CDCA7L: variants seen among roughly 807,000 people sequenced by gnomAD.
CDCA7L encodes the protein cell division cycle-associated 7-like protein.
CDCA7L carries 44 observed loss-of-function variants against 57.4 expected under a neutral mutation model. The ratio of observed to expected loss-of-function variants is 0.77; its 90% confidence interval spans 0.60 to 0.98. The LOEUF is 0.98. CDCA7L is among the 50% of genes least tolerant of loss of function. The pLI is 0.00. For missense variants in CDCA7L, 644 were observed against 580.6 expected, an observed-to-expected ratio of 1.11 and a Z score of -1.12; for synonymous variants, 236 against 202.8, an observed-to-expected ratio of 1.16 and a Z score of -1.39.
At chr7:21,943,653 G>A (rs1035021813) in intron 1 of CDCA7L, among the ~76,000 whole-genome samples, 6 of 151,568 alleles carry the variant, frequency 4.0e-5, no homozygotes, top group African/African-American at 7.3e-5. Context: ...TTTAAATTAC[G>A]ATGAACAGGA....
chr7:21,905,238 G>A (rs1785101532), intron 7 of CDCA7L, among the ~76,000 whole-genome samples: 1 of 151,862 alleles, frequency 6.6e-6, no homozygotes, highest in African/African-American at 2.4e-5. Flanking sequence ...ACCATTAACA[G>A]TTACATATAA....
chr7:21,909,624 T>C (rs1785251163), intron 3 of CDCA7L, among the ~76,000 whole-genome samples: 3 of 152,224 alleles, frequency 2.0e-5, no homozygotes, highest in African/African-American at 7.2e-5. Context: ...TTTAATACCC[T>C]GAACTTCCCA....
At chr7:21,911,878 A>C (rs917312422) in intron 2 of CDCA7L, 124 bp from the exon 3 acceptor site, 9 of 761,478 alleles carry the variant, frequency 1.2e-5, no homozygotes, top group Admixed American at 2.8e-5. Flanking sequence ...ATGGATGGAC[A>C]ACAATGTGAA....
rs963535905 is a variant in CDCA7L, at chr7:21,923,815, T to G, written c.25-6921A>C. Among the ~76,000 whole-genome samples the G allele has an allele frequency of 2.6e-5, 4 of 152,354 alleles. No individual in the cohort carries two copies. In the South Asian group the frequency reaches 6.2e-4, roughly 24 times the overall value. ...TTGGCTGAAATCCAGCTTTGTTCTATCCCAGCTAAGCTATACTAATAAAAA... is the reference window on the plus strand; with the variant it reads ...TTGGCTGAAATCCAGCTTTGTTCTAGCCCAGCTAAGCTATACTAATAAAAA... On this transcript the variant is annotated intron_variant, in intron 1 of 9. Coordinates refer to ENST00000406877, the MANE Select transcript of CDCA7L (RefSeq NM_018719.5).
intron 2 of CDCA7L, among the ~76,000 whole-genome samples, chr7:21,912,227 C>T (rs935989245): frequency 1.3e-5 from 2 of 152,088 alleles, no homozygotes; most frequent in African/African-American, 4.8e-5. Context: ...CAATGCACTC[C>T]AGCCTGCGTT....
At chr7:21,914,018 A>G (rs138257073) in intron 2 of CDCA7L, among the ~76,000 whole-genome samples, 1 of 152,310 alleles carries the variant, frequency 6.6e-6, no homozygotes, top group Non-Finnish European at 1.5e-5. Flanking sequence ...TTCAAAATCA[A>G]TACTGGGTGC....
intron 1 of CDCA7L, among the ~76,000 whole-genome samples, chr7:21,944,265 C>A (rs1451423517): frequency 7.4e-6 from 1 of 135,970 alleles, no homozygotes; most frequent in Non-Finnish European, 1.6e-5. Flanking sequence ...ATTGTGAAAC[C>A]CTGTCTCTAC....
At chr7:21,925,966 C>A (rs1005839417) in intron 1 of CDCA7L, among the ~76,000 whole-genome samples, 1 of 152,278 alleles carries the variant, frequency 6.6e-6, no homozygotes, top group East Asian at 1.9e-4. Context: ...CAGCCAGACA[C>A]AGAGGCACAC....
chr7:21,906,634 G>C lies in CDCA7L; in HGVS notation c.687C>G (p.Ala229=). 6.2e-7 allele frequency: 1 copy of C among 1,613,874 alleles called. No individual in the cohort carries two copies. The highest frequency in any genetic ancestry group is 8.5e-7 in the Non-Finnish European group (1 of 1,180,026). Residue 229 remains alanine, a synonymous_variant, in exon 5 of 10, where the codon GCC becomes GCG. Transcript: ENST00000406877. ...TCGAGTTCAATTCCGCCAATAACTG[G>C]GCAAGCTGAAGTTCAGAACAAAAGA... ...MNIKENKAML[A]QLLAELNSMP...
At chr7:21,916,534 A>G (rs1208550034) in intron 2 of CDCA7L, among the ~76,000 whole-genome samples, 1 of 151,838 alleles carries the variant, frequency 6.6e-6, no homozygotes, top group Non-Finnish European at 1.5e-5. Flanking sequence ...AAAAAAAAAA[A>G]AAAAGAATTA....
At chr7:21,941,660 G>T (rs1786343359) in intron 1 of CDCA7L, among the ~76,000 whole-genome samples, 1 of 152,174 alleles carries the variant, frequency 6.6e-6, no homozygotes, top group African/African-American at 2.4e-5. Flanking sequence ...TTAAAGGGAG[G>T]AGGGAACAGG....
At chr7:21,904,799 T>A (rs1185163615) in intron 7 of CDCA7L, among the ~76,000 whole-genome samples, 1 of 108,508 alleles carries the variant, frequency 9.2e-6, no homozygotes, top group African/African-American at 3.3e-5. Flanking sequence ...GAGAAACATA[T>A]TAGGTCAGAT....
chr7:21,902,444 A>AAAGCCAG (rs1784944672), intron 9 of CDCA7L, 92 bp from the exon 10 acceptor site: 1 of 1,258,048 alleles, frequency 7.9e-7, no homozygotes, highest in Non-Finnish European at 1.2e-6. Context: ...CTAAGAGTAC[A>AAAGCCAG]AAGCCAGAAC....
At chr7:21,934,509 C>CA (rs1391484915) in intron 1 of CDCA7L, among the ~76,000 whole-genome samples, 1 of 151,984 alleles carries the variant, frequency 6.6e-6, no homozygotes, top group East Asian at 1.9e-4. Flanking sequence ...AAATGAGGGA[C>CA]AAAAAAGCCA....
rs1785207502 is a variant in CDCA7L at position 21,908,393 on chromosome 7, T to C, written c.418A>G (p.Ile140Val). The change falls in exon 4 of 10, where the codon ATT becomes GTT. Residue 140 changes from isoleucine to valine, a missense_variant. Physicochemically the swap from Ile to Val is conservative, Grantham distance 29. Coordinates refer to ENST00000406877, the MANE Select transcript of CDCA7L (RefSeq NM_018719.5). ...AACTGAAAGGCTACTCGAAGACCAA[T>C]ACTACTTCTTCTAGACCTGCTTCTT... ...PRRSRSRRSS[I>V]GLRVAFQFPT... 1 of 1,608,950 alleles carries C rather than the reference T, an allele frequency of 6.2e-7. No homozygotes were observed. The highest frequency in any genetic ancestry group is 2.2e-5 in the East Asian group (1 of 44,840).
At chr7:21,924,832 G>A (rs1785773721) in intron 1 of CDCA7L, among the ~76,000 whole-genome samples, 1 of 152,134 alleles carries the variant, frequency 6.6e-6, no homozygotes, top group African/African-American at 2.4e-5. Flanking sequence ...GAAAATATCT[G>A]CAAATGCTGT....
At chr7:21,927,858 C>T (rs1785875196) in intron 1 of CDCA7L, among the ~76,000 whole-genome samples, 1 of 152,240 alleles carries the variant, frequency 6.6e-6, no homozygotes, top group Admixed American at 6.5e-5. Flanking sequence ...TGGGACAGAG[C>T]ACCTGGGAAA....
chr7:21,933,810 A>T (rs1400479596), intron 1 of CDCA7L, among the ~76,000 whole-genome samples: 1 of 152,194 alleles, frequency 6.6e-6, no homozygotes, highest in East Asian at 1.9e-4. Flanking sequence ...AAAAAAAGAA[A>T]AAAAAAGATT....
At chr7:21,904,844 T>C (rs1329605208) in intron 7 of CDCA7L, among the ~76,000 whole-genome samples, 3 of 152,056 alleles carry the variant, frequency 2.0e-5, no homozygotes, top group African/African-American at 7.2e-5. Context: ...AATGAAATGA[T>C]CAGGCTGTCA....
Sources: allele counts gnomAD v4.1 joint callset (sites outside exome capture counted in the v4.1 genomes callset), GRCh38; gene constraint gnomAD v4.1.1; transcripts MANE v1.5; gene names NCBI Gene and HGNC (gene_info 2026-07-23, HGNC 2026-07-21).